The following ME2 variants were observed in gnomAD, a reference collection of about 807,000 sequenced individuals.
ME2 encodes the protein malic enzyme 2.
In ME2, 60 loss-of-function variants were observed where a neutral mutation model predicts 73.7. The ratio of observed to expected loss-of-function variants is 0.81; its 90% confidence interval spans 0.66 to 1.01. ME2 has a LOEUF of 1.01. ME2 is among the 50% of genes least tolerant of loss of function. ME2 has a pLI of 0.00. For synonymous variants in ME2, 199 were observed against 236.9 expected (o/e 0.84, Z 1.47); for missense variants, 594 against 705.5 (o/e 0.84, Z 1.79).
chr18:50,891,686 G>T (rs1166862159), intron 1 of ME2, among the ~76,000 whole-genome samples: 3 of 152,092 alleles, frequency 2.0e-5, no homozygotes, highest in Non-Finnish European at 2.9e-5. Flanking sequence ...GAAGACTCTT[G>T]TTGCCATAGA....
chr18:50,928,551 CTTAA>C (rs1475660905), intron 12 of ME2, among the ~76,000 whole-genome samples: 1 of 152,028 alleles, frequency 6.6e-6, no homozygotes, highest in Non-Finnish European at 1.5e-5. Context: ...TTTTGTTTTT[CTTAA>C]TTGAGTGATG....
intron 13 of ME2, chr18:50,933,767 A>G (rs542022772): frequency 6.6e-6 from 1 of 151,984 alleles, no homozygotes. Flanking sequence ...TCACCCGGCT[A>G]ATAAGCATGC....
chr18:50,942,281 T>A (rs1206970441), intron 15 of ME2, among the ~76,000 whole-genome samples: 2 of 152,220 alleles, frequency 1.3e-5, no homozygotes, highest in Non-Finnish European at 2.9e-5. Flanking sequence ...TAATTGGGAA[T>A]TGAATCTGTT....
At chr18:50,920,340 C>A in intron 7 of ME2, 116 bp from the exon 8 acceptor site, 2 of 681,766 alleles carry the variant, frequency 2.9e-6, no homozygotes, top group South Asian at 2.0e-5. Context: ...TTCAGATGGC[C>A]TTAATTGAAC....
In ME2 at chr18:50,952,013, A is replaced by G. The variant is rs1418908989; in HGVS notation, c.*4829A>G. ...AGCTCTTTACTGGGCTTCCATTTAA[A>G]GGGAAGTCCTAAGAATGAAATGGCA... is the stretch of plus-strand genomic sequence containing the variant. On this transcript the variant is annotated 3_prime_UTR_variant, in exon 16 of 16. Transcript: ENST00000321341. 6.6e-6 allele frequency: 1 copy of G among 152,104 alleles called. No individual in the cohort carries two copies. Among genetic ancestry groups the G allele is most frequent in the African/African-American group, 2.4e-5 (1 of 41,404 alleles). 9.4% of individuals were successfully genotyped at this position (152,104 alleles called of 1,614,324 possible).
At chr18:50,934,900 A>G (rs1005429988) in intron 13 of ME2, 9 of 152,208 alleles carry the variant, frequency 5.9e-5, no homozygotes, top group African/African-American at 1.9e-4. Flanking sequence ...TGCACAGAAC[A>G]AGCTTTTGAA....
Position 50,940,291 on chromosome 18 carries a change from C to A in ME2, c.1492C>A (p.Leu498Met). The change falls in exon 15 of 16, where the codon CTG becomes ATG. Residue 498 changes from leucine to methionine, a missense_variant. Leu to Met is a conservative substitution (Grantham distance 15, BLOSUM62 2). Coordinates refer to ENST00000321341, the MANE Select transcript of ME2 (RefSeq NM_002396.5). ...AAAATGCTGTTTTTCTCTTCAGGCC[C>A]TGACAAGCCAATTGACAGATGAAGA... ...DSVFLEAAKA[L>M]TSQLTDEELA... The A allele has an allele frequency of 6.2e-7, 1 of 1,604,276 alleles. No individual in the cohort carries two copies. Among genetic ancestry groups the A allele is most frequent in the South Asian group, 1.1e-5 (1 of 88,366 alleles).
Position 50,921,189 on chromosome 18 carries a change from T to A in ME2, c.1056+2T>A. On this transcript the variant is annotated splice_donor_variant, in intron 10 of 15. Coordinates refer to ENST00000321341, the MANE Select transcript of ME2 (RefSeq NM_002396.5). LOFTEE classifies it high-confidence loss of function. Reference sequence around the variant, plus strand: ...GACAAGTATGGTTTATTAGTTAAGGTAAGGTATTTAAAATTTGGAGAAGCA... The same window carrying A: ...GACAAGTATGGTTTATTAGTTAAGGAAAGGTATTTAAAATTTGGAGAAGCA... The A allele has an allele frequency of 1.4e-6, 2 of 1,448,268 alleles. No individual in the cohort carries two copies. The highest frequency in any genetic ancestry group is 1.9e-6 in the Non-Finnish European group (2 of 1,056,766). The allele number at this position is 1,448,268 out of a possible 1,614,324, so 89.7% of individuals were successfully genotyped here.
intron 5 of ME2, 73 bp from the exon 6 acceptor site, chr18:50,917,273 CA>C: frequency 8.4e-7 from 1 of 1,186,268 alleles, no homozygotes; most frequent in Non-Finnish European, 1.2e-6. Context: ...TGAAGTGAAT[CA>C]ATCTTTTAAA....
chr18:50,921,044 A>G (rs1237363904), intron 9 of ME2, 30 bp from the exon 10 acceptor site: 3 of 1,088,786 alleles, frequency 2.8e-6, no homozygotes, highest in Non-Finnish European at 4.1e-6. Context: ...GTACTCTAGT[A>G]TATATTAAAA....
chr18:50,928,716 T>C (rs537888792), intron 12 of ME2, among the ~76,000 whole-genome samples: 1 of 152,338 alleles, frequency 6.6e-6, no homozygotes, highest in South Asian at 2.1e-4. Context: ...TTGCCCTTTC[T>C]CCTGATATCC....
intron 1 of ME2, among the ~76,000 whole-genome samples, chr18:50,895,282 A>G (rs1335227129): frequency 1.3e-5 from 2 of 152,128 alleles, no homozygotes; most frequent in Admixed American, 6.5e-5. Context: ...GCCAATTTAT[A>G]TGATTTGTTT....
rs1284738011 is a variant in ME2 at position 50,953,528 on chromosome 18, T to C, written c.*6344T>C. On this transcript the variant is annotated 3_prime_UTR_variant, in exon 16 of 16. Coordinates refer to ENST00000321341, the MANE Select transcript of ME2 (RefSeq NM_002396.5). ...CGACACGAACATTAAAGATTTGGTGTTGAATTTAATAAATTACACCAAAAA... is the reference window on the plus strand; with the variant it reads ...CGACACGAACATTAAAGATTTGGTGCTGAATTTAATAAATTACACCAAAAA... 6.6e-6 allele frequency: 1 copy of C among 152,252 alleles called. No individual in the cohort carries two copies. The highest frequency in any genetic ancestry group is 1.5e-5 in the Non-Finnish European group (1 of 68,042). 9.4% of individuals were successfully genotyped at this position (152,252 alleles called of 1,614,324 possible). A position where few individuals can be genotyped will look rare whatever the true frequency, so the allele number is the denominator to read the frequency against.
intron 2 of ME2, among the ~76,000 whole-genome samples, chr18:50,907,098 G>A (rs1286605855): frequency 6.6e-6 from 1 of 152,122 alleles, no homozygotes; most frequent in Non-Finnish European, 1.5e-5. Flanking sequence ...GCACTTCTGG[G>A]GAAATGGCTT....
intron 2 of ME2, among the ~76,000 whole-genome samples, chr18:50,904,565 G>A (rs1916971342): frequency 6.6e-6 from 1 of 151,966 alleles, no homozygotes; most frequent in African/African-American, 2.4e-5. Flanking sequence ...TTACAGGCGT[G>A]AGCCACCACG....
At chr18:50,941,073 C>T (rs1469582193) in intron 15 of ME2, among the ~76,000 whole-genome samples, 2 of 151,716 alleles carry the variant, frequency 1.3e-5, no homozygotes, top group African/African-American at 2.4e-5. Context: ...GCCCAGCCAA[C>T]ATGGTGAAAC....
intron 2 of ME2, among the ~76,000 whole-genome samples, chr18:50,897,883 G>GA (rs1415347139): frequency 1.4e-5 from 2 of 141,248 alleles, no homozygotes; most frequent in East Asian, 4.1e-4. Context: ...AAAAGAAAAA[G>GA]AAAAAAAAGA....
chr18:50,891,967 A>G (rs868381967), intron 1 of ME2, among the ~76,000 whole-genome samples: 15 of 149,996 alleles, frequency 1.0e-4, no homozygotes, highest in African/African-American at 3.7e-4. Context: ...CACCCAGCTA[A>G]TTTTATTTTT....
chr18:50,910,395 C>T (rs891154186), intron 3 of ME2, among the ~76,000 whole-genome samples: 15 of 146,584 alleles, frequency 1.0e-4, no homozygotes, highest in Admixed American at 4.8e-4. Flanking sequence ...GCCATGATTG[C>T]ACCACTGCAC....
Sources: allele counts gnomAD v4.1 joint callset (sites outside exome capture counted in the v4.1 genomes callset), GRCh38; gene constraint gnomAD v4.1.1; transcripts MANE v1.5; gene names NCBI Gene and HGNC (gene_info 2026-07-23, HGNC 2026-07-21).